CELF2: variants seen among roughly 807,000 people sequenced by gnomAD.
The protein encoded by CELF2 is CUGBP Elav-like family member 2.
In CELF2, 8 loss-of-function variants were observed where a neutral mutation model predicts 62.6. The ratio of observed to expected loss-of-function variants is 0.13; its 90% confidence interval spans 0.07 to 0.23. CELF2 has a LOEUF of 0.23. Among genes scored for constraint, CELF2 ranks in the 10% least tolerant of loss-of-function variants. The pLI is 1.00. For missense variants in CELF2, 333 were observed against 671.0 expected, an observed-to-expected ratio of 0.50 and a Z score of 5.56; for synonymous variants, 258 against 250.0, an observed-to-expected ratio of 1.03 and a Z score of -0.30.
At chr10:10,505,610 C>T in the CELF2 span, among the ~76,000 whole-genome samples, 2 of 152,180 alleles carry the variant, frequency 1.3e-5, no homozygotes, top group East Asian at 3.9e-4. Flanking sequence ...TCTTTGACAC[C>T]ACCCCCCTGG....
At chr10:11,121,136 A>G (rs1319834394) in intron 1 of CELF2, among the ~76,000 whole-genome samples, 1 of 152,210 alleles carries the variant, frequency 6.6e-6, no homozygotes, top group African/African-American at 2.4e-5. Context: ...TTTCAACTAC[A>G]TACTATTTTG....
chr10:10,791,006 A>G, the CELF2 span, among the ~76,000 whole-genome samples: 1 of 152,196 alleles, frequency 6.6e-6, no homozygotes. Flanking sequence ...AAAATAGAGC[A>G]TACCTCAGAG....
chr10:11,072,063 A>T (rs950317653), intron 1 of CELF2, among the ~76,000 whole-genome samples: 3 of 152,224 alleles, frequency 2.0e-5, no homozygotes, highest in African/African-American at 7.2e-5. Context: ...AGCATGGTCA[A>T]GTGGTCCAAG....
At chr10:11,111,009 C>T (rs184520896) in intron 1 of CELF2, among the ~76,000 whole-genome samples, 1 of 152,282 alleles carries the variant, frequency 6.6e-6, no homozygotes, top group East Asian at 1.9e-4. Context: ...TCAGCCTCTC[C>T]CACTCTGAGT....
At chr10:10,922,873 CA>C (rs2065051887) in intron 2 of CELF2, 1 of 152,184 alleles carries the variant, frequency 6.6e-6, no homozygotes, top group African/African-American at 2.4e-5. Context: ...TCGACTTCTC[CA>C]GGGGCAGTTT....
the CELF2 span, among the ~76,000 whole-genome samples, chr10:10,722,676 A>G: frequency 6.6e-6 from 1 of 152,260 alleles, no homozygotes; most frequent in South Asian, 2.1e-4. Context: ...GACTTTCCAC[A>G]GAGAAAGAGA....
At chr10:11,035,899 C>T (rs1228731727) in intron 1 of CELF2, among the ~76,000 whole-genome samples, 2 of 152,182 alleles carry the variant, frequency 1.3e-5, no homozygotes, top group African/African-American at 4.8e-5. Flanking sequence ...ATTAATATAC[C>T]TGCTGGAGCT....
At position 11,260,969 on chromosome 10, in the gene CELF2, A is replaced by C. The variant is rs2080365227; in HGVS notation, c.538+3097A>C. 6.6e-6 allele frequency among the ~76,000 whole-genome samples: 1 copy of C among 152,250 alleles called. No individual in the cohort carries two copies. The highest frequency in any genetic ancestry group is 2.1e-4 in the South Asian group (1 of 4,830). On this transcript the variant is annotated intron_variant, in intron 5 of 12. Coordinates refer to ENST00000633077, the MANE Select transcript of CELF2 (RefSeq NM_001326342.2). This position sits in a 1 kb window ranked among gnomAD's most constrained non-coding sequence, Gnocchi z 4.2. Reference sequence around the variant, plus strand: ...GTGGCACTGCAGATAAAGGGCATTCAGCATTTCTGTTCTCAGCGTCTATTG... The same window carrying C: ...GTGGCACTGCAGATAAAGGGCATTCCGCATTTCTGTTCTCAGCGTCTATTG...
At chr10:10,530,657 T>G in the CELF2 span, among the ~76,000 whole-genome samples, 2 of 152,212 alleles carry the variant, frequency 1.3e-5, no homozygotes, top group Non-Finnish European at 2.9e-5. Flanking sequence ...TTTCCTCTTT[T>G]GCGGAAATTA....
intron 1 of CELF2, among the ~76,000 whole-genome samples, chr10:10,916,456 C>A (rs2064329971): frequency 6.6e-6 from 1 of 152,176 alleles, no homozygotes; most frequent in African/African-American, 2.4e-5. Flanking sequence ...CCGGCTGGGA[C>A]TTAATACATG....
intron 1 of CELF2, among the ~76,000 whole-genome samples, chr10:11,100,644 T>C (rs912697326): frequency 4.6e-5 from 7 of 152,116 alleles, no homozygotes; most frequent in African/African-American, 1.2e-4. Flanking sequence ...ATCCCCACCA[T>C]TCAAACATTA....
the CELF2 span, among the ~76,000 whole-genome samples, chr10:10,561,616 T>C: frequency 4.6e-5 from 7 of 152,188 alleles, no homozygotes; most frequent in Non-Finnish European, 1.0e-4. Context: ...AGGTGTTGTA[T>C]TTTAAGGTGG....
At chr10:11,104,129 T>C (rs1164485888) in intron 1 of CELF2, among the ~76,000 whole-genome samples, 1 of 152,224 alleles carries the variant, frequency 6.6e-6, no homozygotes, top group African/African-American at 2.4e-5. Flanking sequence ...CCATGTTTAA[T>C]ATACCATAAA....
intron 9 of CELF2, among the ~76,000 whole-genome samples, chr10:11,308,428 G>T (rs762284801): frequency 6.6e-6 from 1 of 152,108 alleles, no homozygotes; most frequent in Non-Finnish European, 1.5e-5. Context: ...GTGAGGCTCT[G>T]TTCATTTCTC....
intron 2 of CELF2, among the ~76,000 whole-genome samples, chr10:10,970,492 G>C (rs1310774694): frequency 4.6e-5 from 7 of 152,148 alleles, no homozygotes; most frequent in African/African-American, 1.7e-4. Context: ...ATGTCCTTTG[G>C]ATGCATCTAA....
At chr10:10,759,557 C>T in the CELF2 span, among the ~76,000 whole-genome samples, 1 of 151,762 alleles carries the variant, frequency 6.6e-6, no homozygotes, top group South Asian at 2.1e-4. Flanking sequence ...TGATCACCCG[C>T]CTCGGCCTCG....
intron 1 of CELF2, among the ~76,000 whole-genome samples, chr10:11,061,738 T>G (rs977414386): frequency 5.9e-5 from 9 of 152,226 alleles, no homozygotes; most frequent in African/African-American, 2.2e-4. Flanking sequence ...AACGTACTCT[T>G]CCAGTGCTCT....
the CELF2 span, among the ~76,000 whole-genome samples, chr10:10,701,150 C>A: frequency 6.6e-6 from 1 of 152,182 alleles, no homozygotes; most frequent in African/African-American, 2.4e-5. Flanking sequence ...GAAGGCCCAG[C>A]CAGAGAAAAT....
intron 2 of CELF2, among the ~76,000 whole-genome samples, chr10:11,190,748 G>A (rs2076102548): frequency 1.5e-5 from 2 of 129,980 alleles, no homozygotes; most frequent in Admixed American, 8.7e-5. Context: ...TTGACTCTCA[G>A]TGGCTGGGTT....
Sources: gnomAD v4.1 joint callset for allele counts (sites outside exome capture counted in the v4.1 genomes callset) on GRCh38, gnomAD v4.1.1 for gene constraint, Gnocchi (gnomAD v3.1) non-coding constraint, MANE v1.5 for transcripts, NCBI Gene and HGNC (gene_info 2026-07-23, HGNC 2026-07-21) for gene names.